The following MAIP1 variants were observed in gnomAD, a reference collection of about 807,000 sequenced individuals.
MAIP1 encodes the protein m-AAA protease-interacting protein 1, mitochondrial.
A neutral mutation model predicts 31.2 loss-of-function variants in MAIP1; 28 were observed. That is an observed-to-expected ratio of 0.90 (90% confidence interval 0.67 to 1.23). The LOEUF is 1.23. Among genes scored for constraint, MAIP1 ranks in the 50% most tolerant of loss-of-function variants. The probability of loss-of-function intolerance (pLI) is 0.00; values close to 1 mark genes in which losing one functional copy is unlikely to be tolerated. For synonymous variants in MAIP1, 142 were observed against 142.3 expected (o/e 1.00, Z 0.02); for missense variants, 339 against 356.0 (o/e 0.95, Z 0.38).
Position 199,964,090 on chromosome 2 carries a change from CATAAT to C in MAIP1, c.*281_*285del, listed in dbSNP as rs1429752507. 11 of 201,660 alleles carry C rather than the reference CATAAT, an allele frequency of 5.5e-5. No homozygotes were observed. Among genetic ancestry groups the C allele is most frequent in the African/African-American group, 2.6e-4 (11 of 42,884 alleles). 12.5% of individuals were successfully genotyped at this position (201,660 alleles called of 1,614,324 possible). ...CCAATGCTACATATAATTTTATAGA[CATAAT>C]AAAGAAGGTATTGAAAAAACTACTT... On this transcript the variant is annotated 3_prime_UTR_variant, in exon 5 of 5. Coordinates refer to ENST00000392290, the MANE Select transcript of MAIP1 (RefSeq NM_001394955.1).
At chr2:199,961,533 G>A (rs1398516384) in intron 3 of MAIP1, among the ~76,000 whole-genome samples, 7 of 152,170 alleles carry the variant, frequency 4.6e-5, no homozygotes, top group African/African-American at 1.2e-4. Context: ...AGTAAAGTAC[G>A]TGCTCAGTTA....
At position 199,955,870 on chromosome 2, in the gene MAIP1, C is replaced by T. The variant is rs577104012; in HGVS notation, c.72C>T (p.Leu24=). The T allele has an allele frequency of 2.6e-6, 4 of 1,541,434 alleles. No individual in the cohort carries two copies. In the South Asian group the frequency reaches 5.1e-5, roughly 20 times the overall value. ...CGCTGCCCTGCGGGGCCGTCCGACT[C>T]CGGACTCCTGCTGTGGCCGAGGTGA... ...SRSLPCGAVR[L]RTPAVAEVRL... Residue 24 remains leucine, a synonymous_variant, in exon 1 of 5, where the codon CTC becomes CTT. Transcript: ENST00000392290.
intron 3 of MAIP1, among the ~76,000 whole-genome samples, chr2:199,960,237 A>G (rs1238741986): frequency 6.6e-6 from 1 of 152,244 alleles, no homozygotes; most frequent in East Asian, 1.9e-4. Flanking sequence ...TGCACTTTAT[A>G]TGGAAGGAAT....
Position 199,959,790 on chromosome 2 carries a change from C to T in MAIP1, c.559C>T (p.Pro187Ser), listed in dbSNP as rs764643111. Reference sequence around the variant, plus strand: ...ATTGAAAGAAAAGGTTACTTCACTACCTGACAACCATAAAAATGCCCTTGC... The same window carrying T: ...ATTGAAAGAAAAGGTTACTTCACTATCTGACAACCATAAAAATGCCCTTGC... ...HALKEKVTSL[P>S]DNHKNALAAN... The change falls in exon 3 of 5, where the codon CCT (proline) becomes TCT (serine). Residue 187 changes from proline to serine, a missense_variant. Physicochemically the swap from Pro to Ser is moderately conservative, Grantham distance 74. Transcript: ENST00000392290. 9.3e-6 allele frequency: 15 copies of T among 1,612,324 alleles called. No homozygotes were observed. In the East Asian group the frequency reaches 3.4e-4, roughly 36 times the overall value.
At position 199,955,849 on chromosome 2, in the gene MAIP1, G is replaced by T. The variant is rs779052354; in HGVS notation, c.51G>T (p.Leu17=). Residue 17 remains leucine (L), a synonymous_variant, in exon 1 of 5, where the codon CTG becomes CTT. Coordinates refer to ENST00000392290, the MANE Select transcript of MAIP1 (RefSeq NM_001394955.1). Reference sequence around the variant, plus strand: ...CCCAGTTCCTGCACTCTCGGTCGCTGCCCTGCGGGGCCGTCCGACTCCGGA... The same window carrying T: ...CCCAGTTCCTGCACTCTCGGTCGCTTCCCTGCGGGGCCGTCCGACTCCGGA... ...LLPQFLHSRS[L]PCGAVRLRTP... The T allele has an allele frequency of 7.2e-6, 11 of 1,524,440 alleles. No individual in the cohort carries two copies. Among genetic ancestry groups the T allele is most frequent in the African/African-American group, 1.4e-5 (1 of 71,844 alleles). 94.4% of individuals were successfully genotyped at this position (1,524,440 alleles called of 1,614,324 possible).
chr2:199,958,814 T>C (rs1056237062), intron 1 of MAIP1, among the ~76,000 whole-genome samples: 1 of 152,174 alleles, frequency 6.6e-6, no homozygotes, highest in Admixed American at 6.5e-5. Flanking sequence ...TCTCCCACTT[T>C]CCCAAACCTA....
intron 1 of MAIP1, among the ~76,000 whole-genome samples, chr2:199,958,436 C>T (rs1292899154): frequency 6.6e-6 from 1 of 152,166 alleles, no homozygotes; most frequent in Non-Finnish European, 1.5e-5. Flanking sequence ...AACAGTTAGG[C>T]AGTATTCTCT....
Position 199,956,053 on chromosome 2 carries a change from C to A in MAIP1, c.255C>A (p.Phe85Leu), listed in dbSNP as rs1229792622. Residue 85 changes from phenylalanine (F) to leucine (L), a missense_variant, in exon 1 of 5, where the codon TTC becomes TTA. Phe to Leu is a conservative substitution (Grantham distance 22, BLOSUM62 0). Coordinates refer to ENST00000392290, the MANE Select transcript of MAIP1 (RefSeq NM_001394955.1). ...GCAGCCCGGGACTCCCCGCAGCCTT[C>A]GCTTCTTTCCCTGCCTGCCCTCAGC... ...VLSSPGLPAA[F>L]ASFPACPQRS... is the part of the protein sequence containing the mutation. 1 of 1,611,894 alleles carries A rather than the reference C, an allele frequency of 6.2e-7. No individual in the cohort carries two copies. Among genetic ancestry groups the A allele is most frequent in the South Asian group, 1.1e-5 (1 of 90,884 alleles).
chr2:199,956,189 A>T lies in MAIP1; in HGVS notation c.391A>T (p.Ile131Phe), dbSNP rs1412715236. Residue 131 changes from isoleucine (I) to phenylalanine (F), a missense_variant, in exon 1 of 5, where the codon ATC (isoleucine) becomes TTC (phenylalanine). Transcript: ENST00000392290. ...TAGGACTCGAATTAAGGCCTTCCTTATCTGGGCCTATTTCGACAAAGAGTT... is the reference window on the plus strand; with the variant it reads ...TAGGACTCGAATTAAGGCCTTCCTTTTCTGGGCCTATTTCGACAAAGAGTT... Reference protein sequence around the residue: ...WVRTRIKAFLIWAYFDKEFSI... With the variant: ...WVRTRIKAFLFWAYFDKEFSI... 2 of 1,614,122 alleles carry T rather than the reference A, an allele frequency of 1.2e-6. No homozygotes were observed. The highest frequency in any genetic ancestry group is 2.2e-5 in the South Asian group (2 of 91,082).
At position 199,955,923 on chromosome 2, in the gene MAIP1, T is replaced by C; in HGVS notation, c.125T>C (p.Phe42Ser). ...VRLPSATLCY[F>S]CRCRLGLGAA... is the part of the protein sequence containing the mutation. Reference sequence around the variant, plus strand: ...CTGCCGTCGGCCACACTTTGCTACTTCTGCCGCTGTCGCCTCGGCTTGGGA... The same window carrying C: ...CTGCCGTCGGCCACACTTTGCTACTCCTGCCGCTGTCGCCTCGGCTTGGGA... Residue 42 changes from phenylalanine to serine, a missense_variant, in exon 1 of 5, where the codon TTC becomes TCC. By Grantham distance (155) the Phe-to-Ser change is radical. Transcript: ENST00000392290. The C allele has an allele frequency of 6.3e-7, 1 of 1,598,446 alleles. No individual in the cohort carries two copies. The highest frequency in any genetic ancestry group is 1.1e-5 in the South Asian group (1 of 89,098).
In MAIP1 at chr2:199,956,242, G is replaced by A. The variant is rs768751942; in HGVS notation, c.444G>A (p.Ala148=). The A allele has an allele frequency of 4.4e-6, 7 of 1,609,178 alleles. No homozygotes were observed. Among genetic ancestry groups the A allele is most frequent in the Non-Finnish European group, 5.9e-6 (7 of 1,177,128 alleles). Residue 148 remains alanine (A), a synonymous_variant, in exon 1 of 5, where the codon GCG becomes GCA. Transcript: ENST00000392290. The stretch of plus-strand genomic sequence containing the variant: ...GCATCACAGAGTTCTCCGAGGGAGC[G>A]AAGCAGGTTTGTTTATTTCCCTGAT... ...EFSITEFSEG[A]KQAFAHVSKL... is the part of the protein sequence containing the mutation.
At chr2:199,962,720 G>A (rs1303233602) in intron 4 of MAIP1, among the ~76,000 whole-genome samples, 1 of 152,116 alleles carries the variant, frequency 6.6e-6, no homozygotes, top group East Asian at 1.9e-4. Flanking sequence ...GACATCTGTT[G>A]GTCATCTGTG....
chr2:199,955,352 TCG>T (rs1476805604), upstream of MAIP1: 8 of 1,603,672 alleles, frequency 5.0e-6, no homozygotes, highest in Admixed American at 1.7e-5. Context: ...GACGTGTCTC[TCG>T]CTGGTTTCTC....
intron 3 of MAIP1, among the ~76,000 whole-genome samples, chr2:199,961,230 A>T (rs1036142156): frequency 6.6e-6 from 1 of 152,166 alleles, no homozygotes; most frequent in Non-Finnish European, 1.5e-5. Context: ...TGGGAGGCTG[A>T]GGCAGGTGGA....
intron 3 of MAIP1, 39 bp downstream of exon 3, chr2:199,959,919 T>C (rs1169625292): frequency 3.4e-5 from 55 of 1,594,254 alleles, no homozygotes; most frequent in Non-Finnish European, 4.7e-5. Flanking sequence ...TGATCCATAA[T>C]TGTCCAGATA....
chr2:199,961,848 T>C lies in MAIP1; in HGVS notation c.717T>C (p.Thr239=). 1 of 1,613,676 alleles carries C rather than the reference T, an allele frequency of 6.2e-7. No homozygotes were observed. Among genetic ancestry groups the C allele is most frequent in the South Asian group, 1.1e-5 (1 of 91,072 alleles). The stretch of plus-strand genomic sequence containing the variant: ...CCAGTGCCAACATCCCCAGTGAAAC[T>C]TTAAGAGGAGCCAGTGTATTCCAGG... ...YLTSANIPSE[T]LRGASVFQVK... is the part of the protein sequence containing the mutation. Residue 239 remains threonine (T), a synonymous_variant, in exon 4 of 5, where the codon ACT becomes ACC. Coordinates refer to ENST00000392290, the MANE Select transcript of MAIP1 (RefSeq NM_001394955.1).
In MAIP1 at chr2:199,963,768, A is replaced by AC; in HGVS notation, c.834dup (p.Trp279LeufsTer7). Reference sequence around the variant, plus strand: ...GAGTTCACACAAGGAGTAAAGCCTGACTGGACCATTGCACGGATTGAACAC... The same window carrying AC: ...GAGTTCACACAAGGAGTAAAGCCTGACCTGGACCATTGCACGGATTGAACAC... On this transcript the variant is annotated frameshift_variant, in exon 5 of 5. Coordinates refer to ENST00000392290, the MANE Select transcript of MAIP1 (RefSeq NM_001394955.1). LOFTEE classifies it high-confidence loss of function. 6.2e-7 allele frequency: 1 copy of AC among 1,610,618 alleles called. No individual in the cohort carries two copies. Among genetic ancestry groups the AC allele is most frequent in the Non-Finnish European group, 8.5e-7 (1 of 1,177,130 alleles).
At chr2:199,959,213 T>C in intron 1 of MAIP1, 55 bp from the exon 2 acceptor site, 1 of 878,242 alleles carries the variant, frequency 1.1e-6, no homozygotes, top group Non-Finnish European at 1.9e-6. Context: ...AATATGAACA[T>C]GGTATGGTAT....
At chr2:199,960,495 C>T (rs1454436135) in intron 3 of MAIP1, among the ~76,000 whole-genome samples, 1 of 152,064 alleles carries the variant, frequency 6.6e-6, no homozygotes, top group Non-Finnish European at 1.5e-5. Context: ...ACAGATTTAA[C>T]CAATCTAGGG....
Sources: gnomAD v4.1 joint callset for allele counts (sites outside exome capture counted in the v4.1 genomes callset) on GRCh38, gnomAD v4.1.1 for gene constraint, MANE v1.5 for transcripts, NCBI Gene and HGNC (gene_info 2026-07-23, HGNC 2026-07-21) for gene names.